TAC4: variants seen among roughly 807,000 people sequenced by gnomAD.
TAC4 encodes the protein tachykinin precursor 4.
TAC4 carries 17 observed loss-of-function variants against 17.7 expected under a neutral mutation model. The observed-to-expected ratio is 0.96, with a 90% CI of 0.66 to 1.44. The LOEUF (loss-of-function observed/expected upper bound fraction) is 1.44, where lower values mean the gene tolerates loss of function less well. Ranked by LOEUF, TAC4 falls within the 40% of genes most tolerant of loss-of-function variation. The pLI is 0.00. For synonymous variants in TAC4, 62 were observed against 52.4 expected (o/e 1.18, Z -0.79); for missense variants, 118 against 125.6 (o/e 0.94, Z 0.29).
At chr17:49,843,267 T>C (rs959431193) in intron 2 of TAC4, among the ~76,000 whole-genome samples, 5 of 152,254 alleles carry the variant, frequency 3.3e-5, no homozygotes, top group African/African-American at 1.2e-4. Flanking sequence ...AAAACTGCTC[T>C]GTGTGCAGAG....
chr17:49,839,975 G>A, intron 3 of TAC4, 66 bp from the exon 4 acceptor site: 2 of 1,546,366 alleles, frequency 1.3e-6, no homozygotes, highest in Non-Finnish European at 8.9e-7. Context: ...TGGGAACCAG[G>A]GAAGGACAAA....
Position 49,841,602 on chromosome 17 carries a change from A to G in TAC4, c.200-18T>C, listed in dbSNP as rs987218225. On this transcript the variant is annotated intron_variant, in intron 2 of 4. Coordinates refer to ENST00000436235, the MANE Select transcript of TAC4 (RefSeq NM_001077506.2). ...AGGTCTTCCTGGGGGAAGGAGAAGG[A>G]ATGAGGACTACGGACTGCACTGCTT... 4 of 1,566,378 alleles carry G rather than the reference A, an allele frequency of 2.6e-6. No individual in the cohort carries two copies. In the African/African-American group the frequency reaches 4.2e-5, roughly 16 times the overall value.
At chr17:49,846,242 G>A (rs1361638659) in intron 1 of TAC4, 1 of 1,288,594 alleles carries the variant, frequency 7.8e-7, no homozygotes, top group Non-Finnish European at 1.0e-6. Context: ...AGCAAGGGAG[G>A]TAAGTGATGC....
chr17:49,846,784 C>T (rs760382051), intron 1 of TAC4: 50 of 413,492 alleles, frequency 1.2e-4, no homozygotes, highest in Non-Finnish European at 1.8e-4. Flanking sequence ...AAGTTTTTAA[C>T]GTTTCCCATG....
In TAC4 at chr17:49,838,529, G is replaced by T; in HGVS notation, c.*113C>A. On this transcript the variant is annotated 3_prime_UTR_variant, in exon 5 of 5. Coordinates refer to ENST00000436235, the MANE Select transcript of TAC4 (RefSeq NM_001077506.2). ...AGTGTGGGCCTTGTGTGAAGTGCCA[G>T]CGATGAGGACAGGAGACACAGAGAA... 7.6e-7 allele frequency: 1 copy of T among 1,321,686 alleles called. No individual in the cohort carries two copies. Among genetic ancestry groups the T allele is most frequent in the Non-Finnish European group, 1.1e-6 (1 of 924,588 alleles). 81.9% of individuals were successfully genotyped at this position (1,321,686 alleles called of 1,614,324 possible).
At chr17:49,839,749 C>G in intron 4 of TAC4, 101 bp downstream of exon 4, 1 of 1,118,806 alleles carries the variant, frequency 8.9e-7, no homozygotes, top group East Asian at 2.6e-5. Flanking sequence ...TTGTGGGGAG[C>G]CTGTCTGTCT....
At chr17:49,841,186 G>C (rs116343886) in intron 3 of TAC4, among the ~76,000 whole-genome samples, 21 of 150,198 alleles carry the variant, frequency 1.4e-4, no homozygotes, top group Non-Finnish European at 2.4e-4. Flanking sequence ...GCCTGGTCCA[G>C]ATTTGCACTT....
intron 4 of TAC4, 74 bp downstream of exon 4, chr17:49,839,776 T>C: frequency 7.1e-7 from 1 of 1,409,118 alleles, no homozygotes; most frequent in Non-Finnish European, 9.8e-7. Flanking sequence ...CCAGCCCCCA[T>C]CTTGCAGACT....
Position 49,847,908 on chromosome 17 carries a change from A to G in TAC4, c.105+5T>C, listed in dbSNP as rs777233789. ...CCCCAAAAGTACCTCCAAGGCCACA[A>G]TTACCCAGGTCTCTGCTTCAGTGCT... On this transcript the variant is annotated splice_donor_5th_base_variant and intron_variant, in intron 1 of 4. Coordinates refer to ENST00000436235, the MANE Select transcript of TAC4 (RefSeq NM_001077506.2). The G allele has an allele frequency of 1.5e-5, 25 of 1,613,948 alleles. No homozygotes were observed. Among genetic ancestry groups the G allele is most frequent in the East Asian group, 2.2e-5 (1 of 44,866 alleles).
chr17:49,846,119 C>G (rs528410269), intron 1 of TAC4: 35 of 939,826 alleles, frequency 3.7e-5, no homozygotes, highest in African/African-American at 2.8e-4. Flanking sequence ...CATTCGGAGA[C>G]ATTGGTTTCC....
At chr17:49,846,221 G>C in intron 1 of TAC4, 1 of 1,288,968 alleles carries the variant, frequency 7.8e-7, no homozygotes, top group Non-Finnish European at 1.0e-6. Flanking sequence ...ACAGGTTGGG[G>C]GAGCCCCGAG....
intron 4 of TAC4, 33 bp from the exon 5 acceptor site, chr17:49,838,706 G>T (rs748022155): frequency 6.2e-7 from 1 of 1,607,474 alleles, no homozygotes; most frequent in South Asian, 1.1e-5. Context: ...ACCATGGTTA[G>T]TCGGGGGTCT....
At chr17:49,841,366 C>T (rs1413415131) in intron 3 of TAC4, among the ~76,000 whole-genome samples, 186 bp downstream of exon 3, 4 of 151,902 alleles carry the variant, frequency 2.6e-5, no homozygotes, top group Admixed American at 2.0e-4. Flanking sequence ...TAGGACCACC[C>T]CTCTTAAGGA....
At chr17:49,846,366 T>G in intron 1 of TAC4, 1 of 577,148 alleles carries the variant, frequency 1.7e-6, no homozygotes, top group Non-Finnish European at 2.7e-6. Flanking sequence ...AGCCTCAACT[T>G]CCTGGGTCCC....
chr17:49,844,899 A>G (rs1242129530), intron 1 of TAC4, among the ~76,000 whole-genome samples: 1 of 152,238 alleles, frequency 6.6e-6, no homozygotes, highest in Non-Finnish European at 1.5e-5. Context: ...AGTAGAAACT[A>G]TGATTTCCCC....
At position 49,847,200 on chromosome 17, in the gene TAC4, G is replaced by A. The variant is rs1172225001; in HGVS notation, c.105+713C>T. 2.3e-6 allele frequency: 3 copies of A among 1,290,158 alleles called. No individual in the cohort carries two copies. In the East Asian group the frequency reaches 1.7e-4, roughly 72 times the overall value. 79.9% of individuals were successfully genotyped at this position (1,290,158 alleles called of 1,614,324 possible). A position where few individuals can be genotyped will look rare whatever the true frequency, so the allele number is the denominator to read the frequency against. On this transcript the variant is annotated intron_variant, in intron 1 of 4. Transcript: ENST00000436235. ...AGTCAGGCCCAGCCTTGTCCTGTCT[G>A]CCCCCCTGGAAGCCTTCCCTGAGCA...
chr17:49,847,076 C>A (rs1401779698), intron 1 of TAC4: 2 of 1,289,958 alleles, frequency 1.6e-6, no homozygotes, highest in South Asian at 1.2e-5. Context: ...GATGGCTCTT[C>A]CCGTGGCTCC....
chr17:49,842,052 C>T (rs375782238), intron 2 of TAC4, among the ~76,000 whole-genome samples: 40 of 151,068 alleles, frequency 2.6e-4, no homozygotes, highest in South Asian at 2.1e-4. Context: ...TACAGGCGCC[C>T]GCCACCACGC....
At chr17:49,846,908 T>A (rs956132222) in intron 1 of TAC4, 80 of 1,245,048 alleles carry the variant, frequency 6.4e-5, no homozygotes, top group Non-Finnish European at 8.1e-5. Context: ...CCTTGGGGGG[T>A]CACTTCCCTC....
Sources: allele counts gnomAD v4.1 joint callset (sites outside exome capture counted in the v4.1 genomes callset), GRCh38; gene constraint gnomAD v4.1.1; transcripts MANE v1.5; gene names NCBI Gene and HGNC (gene_info 2026-07-23, HGNC 2026-07-21).